Variants in SIK2 observed in about 807,000 individuals in gnomAD.
SIK2 encodes the protein serine/threonine-protein kinase SIK2.
In SIK2, 29 loss-of-function variants were observed where a neutral mutation model predicts 103.2. That is an observed-to-expected ratio of 0.28 (90% CI 0.21 to 0.38). The LOEUF is 0.38. Ranked by LOEUF, SIK2 falls within the 10% of genes least tolerant of loss-of-function variation. The probability of loss-of-function intolerance (pLI) is 1.00; values close to 1 mark genes in which losing one functional copy is unlikely to be tolerated. For missense variants in SIK2, 879 were observed against 1,171.0 expected, an observed-to-expected ratio of 0.75 and a Z score of 3.64; for synonymous variants, 412 against 446.1, an observed-to-expected ratio of 0.92 and a Z score of 0.96.
Position 111,719,833 on chromosome 11 carries a change from C to A in SIK2, c.1325C>A (p.Ser442Ter). 2.5e-6 allele frequency: 4 copies of A among 1,614,116 alleles called. No individual in the cohort carries two copies. Among genetic ancestry groups the A allele is most frequent in the South Asian group, 1.1e-5 (1 of 91,052 alleles). Residue 442 changes from serine to a stop codon, truncating the protein, a stop_gained, in exon 10 of 15, where the codon TCA (serine) becomes TAA (stop). Coordinates refer to ENST00000304987, the MANE Select transcript of SIK2 (RefSeq NM_015191.3). LOFTEE classifies it high-confidence loss of function. ...PPVLVRKGCQ[S>*]LPSNMMETSI... is the part of the protein sequence containing the mutation. ...GTCCTGGTGCGGAAGGGATGCCAGT[C>A]ACTGCCCAGCAACATGATGGAGACC...
chr11:111,654,808 C>T (rs556355907), intron 3 of SIK2, among the ~76,000 whole-genome samples: 3 of 152,298 alleles, frequency 2.0e-5, no homozygotes, highest in South Asian at 4.1e-4. Context: ...AGAATCTGTA[C>T]ACCATCAGCT....
chr11:111,646,930 TAC>T (rs1455348676), intron 3 of SIK2, among the ~76,000 whole-genome samples: 8 of 152,238 alleles, frequency 5.3e-5, no homozygotes, highest in African/African-American at 1.9e-4. Context: ...AATATTCACA[TAC>T]AAATCCATTT....
At chr11:111,694,907 A>T (rs1943034204) in intron 4 of SIK2, among the ~76,000 whole-genome samples, 1 of 152,180 alleles carries the variant, frequency 6.6e-6, no homozygotes, top group Admixed American at 6.5e-5. Flanking sequence ...TAGATGTCTT[A>T]CATTGGTCAG....
chr11:111,657,529 A>G (rs536642813), intron 3 of SIK2, among the ~76,000 whole-genome samples: 46 of 152,182 alleles, frequency 3.0e-4, no homozygotes, highest in African/African-American at 1.1e-3. Flanking sequence ...AGCTGGGACT[A>G]CAGACACATG....
At chr11:111,658,735 T>C (rs1310830117) in intron 3 of SIK2, among the ~76,000 whole-genome samples, 2 of 151,232 alleles carry the variant, frequency 1.3e-5, no homozygotes, top group African/African-American at 2.4e-5. Flanking sequence ...AGTGAGGCCT[T>C]GTCACAAAAA....
chr11:111,719,677 A>T, intron 9 of SIK2, 98 bp from the exon 10 acceptor site: 1 of 1,192,240 alleles, frequency 8.4e-7, no homozygotes. Context: ...TATTTTACTT[A>T]ATTTCTAGTT....
chr11:111,616,648 GC>G (rs1941810438), intron 2 of SIK2, among the ~76,000 whole-genome samples: 1 of 151,976 alleles, frequency 6.6e-6, no homozygotes, highest in Admixed American at 6.6e-5. Context: ...TCCAGCCTGG[GC>G]AACATGGTGA....
chr11:111,638,457 G>T (rs1294975484), intron 3 of SIK2, among the ~76,000 whole-genome samples: 1 of 152,138 alleles, frequency 6.6e-6, no homozygotes, highest in Non-Finnish European at 1.5e-5. Context: ...AGTTTCTTGT[G>T]CCATCAGTTC....
intron 3 of SIK2, among the ~76,000 whole-genome samples, chr11:111,632,587 C>A (rs1942053947): frequency 6.6e-6 from 1 of 152,056 alleles, no homozygotes; most frequent in Admixed American, 6.6e-5. Flanking sequence ...GGGACAGAGA[C>A]CTTACACAAT....
intron 3 of SIK2, among the ~76,000 whole-genome samples, chr11:111,665,372 G>T (rs536379726): frequency 1.3e-5 from 2 of 151,980 alleles, no homozygotes; most frequent in Admixed American, 6.5e-5. Flanking sequence ...TGTGGTGGGG[G>T]TGCTTCTGAG....
intron 7 of SIK2, among the ~76,000 whole-genome samples, chr11:111,704,740 G>A (rs948068462): frequency 6.6e-6 from 1 of 152,092 alleles, no homozygotes; most frequent in African/African-American, 2.4e-5. Context: ...AAAATAAATG[G>A]ATCTTGTTAA....
At chr11:111,700,641 C>G (rs1943191638) in intron 4 of SIK2, among the ~76,000 whole-genome samples, 1 of 152,150 alleles carries the variant, frequency 6.6e-6, no homozygotes, top group Non-Finnish European at 1.5e-5. Context: ...TTTCCAGTCT[C>G]TCACTTACTC....
intron 9 of SIK2, among the ~76,000 whole-genome samples, chr11:111,717,248 A>G (rs1213301768): frequency 2.2e-5 from 3 of 139,142 alleles, no homozygotes; most frequent in Non-Finnish European, 4.6e-5. Flanking sequence ...CCTGGGAGGC[A>G]GAGCTTGCAG....
chr11:111,697,571 A>G (rs527770487), intron 4 of SIK2, among the ~76,000 whole-genome samples: 1 of 152,344 alleles, frequency 6.6e-6, no homozygotes, highest in East Asian at 1.9e-4. Flanking sequence ...TTTTCAAATG[A>G]GGAAACCAAG....
At chr11:111,635,995 G>A (rs564352097) in intron 3 of SIK2, among the ~76,000 whole-genome samples, 13 of 152,298 alleles carry the variant, frequency 8.5e-5, no homozygotes, top group East Asian at 3.9e-4. Flanking sequence ...CTAGTTTTCT[G>A]TTTCTTTCAG....
chr11:111,661,041 A>C (rs1180373203), intron 3 of SIK2, among the ~76,000 whole-genome samples: 1 of 151,896 alleles, frequency 6.6e-6, no homozygotes, highest in African/African-American at 2.4e-5. Context: ...CCTAGTAAGG[A>C]GTGTCACACT....
chr11:111,611,829 T>C (rs1343756976), intron 1 of SIK2, among the ~76,000 whole-genome samples: 3 of 152,216 alleles, frequency 2.0e-5, no homozygotes, highest in Admixed American at 6.5e-5. Context: ...TTGTCTCTTA[T>C]ACTATGTTGA....
At chr11:111,674,084 GAA>G (rs1942666181) in intron 3 of SIK2, among the ~76,000 whole-genome samples, 2 of 127,756 alleles carry the variant, frequency 1.6e-5, no homozygotes, top group Admixed American at 1.6e-4. Flanking sequence ...AAAAAAAAAA[GAA>G]AAAAAGAAAA....
At chr11:111,702,627 A>G (rs1226001332) in intron 6 of SIK2, among the ~76,000 whole-genome samples, 2 of 152,226 alleles carry the variant, frequency 1.3e-5, no homozygotes, top group African/African-American at 2.4e-5. Flanking sequence ...AGCGCCTGCC[A>G]TATAGTGACA....
Sources: allele counts gnomAD v4.1 joint callset (sites outside exome capture counted in the v4.1 genomes callset), GRCh38; gene constraint gnomAD v4.1.1; transcripts MANE v1.5; gene names NCBI Gene and HGNC (gene_info 2026-07-23, HGNC 2026-07-21).